Variants in NRG3 observed in about 807,000 individuals in gnomAD.
NRG3 encodes the protein pro-neuregulin-3, membrane-bound isoform.
NRG3 carries 31 observed loss-of-function variants against 66.9 expected under a neutral mutation model. The ratio of observed to expected loss-of-function variants is 0.46; its 90% CI spans 0.35 to 0.63. NRG3 has a LOEUF of 0.63. Among genes scored for constraint, NRG3 ranks in the 20% least tolerant of loss-of-function variants. The probability of loss-of-function intolerance (pLI) is 0.00; values close to 1 mark genes in which losing one functional copy is unlikely to be tolerated. For missense variants in NRG3, 910 were observed against 878.9 expected (o/e 1.04, Z -0.45); for synonymous variants, 393 against 359.4 (o/e 1.09, Z -1.06).
intron 3 of NRG3, among the ~76,000 whole-genome samples, chr10:82,748,071 A>G (rs541237483): frequency 2.0e-4 from 30 of 151,344 alleles, no homozygotes; most frequent in South Asian, 1.7e-3. Context: ...ATATATAATT[A>G]CACATATTTG....
At chr10:82,015,694 T>C (rs564399786) in intron 1 of NRG3, among the ~76,000 whole-genome samples, 2 of 152,166 alleles carry the variant, frequency 1.3e-5, no homozygotes, top group South Asian at 4.2e-4. Context: ...CCTTTATAAA[T>C]TACCGCATCT....
At chr10:82,481,029 T>C (rs1184018409) in intron 2 of NRG3, among the ~76,000 whole-genome samples, 1 of 152,198 alleles carries the variant, frequency 6.6e-6, no homozygotes, top group Non-Finnish European at 1.5e-5. Flanking sequence ...CTTTTCCCAC[T>C]GGGATTTACT....
At chr10:82,965,405 C>A (rs545103287) in intron 6 of NRG3, among the ~76,000 whole-genome samples, 1 of 151,990 alleles carries the variant, frequency 6.6e-6, no homozygotes. Flanking sequence ...TAGCTTGTCT[C>A]GGAGATAGAA....
At chr10:82,320,420 C>A (rs1344919442) in intron 1 of NRG3, among the ~76,000 whole-genome samples, 2 of 152,082 alleles carry the variant, frequency 1.3e-5, no homozygotes, top group Non-Finnish European at 2.9e-5. Context: ...AATTGGAGGT[C>A]TATTTCAGAT....
intron 2 of NRG3, among the ~76,000 whole-genome samples, chr10:82,617,020 T>C (rs932354880): frequency 7.2e-5 from 11 of 152,216 alleles, no homozygotes; most frequent in African/African-American, 1.4e-4. Context: ...GGCATACGTA[T>C]TGGGGGATTG....
At chr10:82,961,475 G>A (rs1850633426) in intron 6 of NRG3, among the ~76,000 whole-genome samples, 2 of 152,214 alleles carry the variant, frequency 1.3e-5, no homozygotes, top group Admixed American at 1.3e-4. Context: ...TGGAGCTTGA[G>A]AAAGGTATGT....
intron 1 of NRG3, among the ~76,000 whole-genome samples, chr10:82,150,001 G>A (rs59510350): frequency 0.017 from 2,654 of 152,124 alleles, 80 homozygotes; most frequent in African/African-American, 0.06. Flanking sequence ...ATGGAACTCC[G>A]CTGTGGTTTA....
intron 1 of NRG3, among the ~76,000 whole-genome samples, chr10:81,968,092 A>C (rs2059798663): frequency 6.6e-6 from 1 of 152,334 alleles, no homozygotes; most frequent in Admixed American, 6.5e-5. Context: ...AAACCACAGA[A>C]TGTCAGTGGA....
intron 2 of NRG3, among the ~76,000 whole-genome samples, chr10:82,728,766 C>G (rs1411238555): frequency 1.3e-5 from 2 of 152,122 alleles, no homozygotes; most frequent in Non-Finnish European, 2.9e-5. Flanking sequence ...TTGATCATAT[C>G]ATAAATCAGA....
chr10:82,282,450 C>T (rs956882149), intron 1 of NRG3, among the ~76,000 whole-genome samples: 3 of 151,952 alleles, frequency 2.0e-5, no homozygotes, highest in African/African-American at 7.3e-5. Context: ...GAAGCCAGGG[C>T]TCTGCGTAGG....
chr10:82,933,842 A>G (rs1223560507), intron 4 of NRG3, among the ~76,000 whole-genome samples: 1 of 152,206 alleles, frequency 6.6e-6, no homozygotes, highest in African/African-American at 2.4e-5. Context: ...TACTTATTTC[A>G]ATATCCCATG....
chr10:82,938,780 G>T (rs1275318140), intron 4 of NRG3, among the ~76,000 whole-genome samples: 6 of 152,166 alleles, frequency 3.9e-5, no homozygotes, highest in Admixed American at 3.9e-4. Flanking sequence ...TTAAACCGCT[G>T]GGTCAGATTC....
chr10:82,074,079 A>G (rs2064956708), intron 1 of NRG3, among the ~76,000 whole-genome samples: 1 of 152,096 alleles, frequency 6.6e-6, no homozygotes, highest in South Asian at 2.1e-4. Flanking sequence ...GTTCTCTGAA[A>G]AAAAAAAACA....
At chr10:82,419,954 A>G (rs948786092) in intron 2 of NRG3, among the ~76,000 whole-genome samples, 17 of 152,200 alleles carry the variant, frequency 1.1e-4, no homozygotes, top group African/African-American at 3.9e-4. Flanking sequence ...GTATTGGTCT[A>G]TATTGTTCCT....
chr10:82,585,012 G>C (rs534668555), intron 2 of NRG3, among the ~76,000 whole-genome samples: 1 of 149,426 alleles, frequency 6.7e-6, no homozygotes, highest in South Asian at 2.1e-4. Context: ...TGTCTTTTTT[G>C]GGGGGGGAAC....
At chr10:82,723,108 G>A (rs1168429802) in intron 2 of NRG3, among the ~76,000 whole-genome samples, 1 of 152,008 alleles carries the variant, frequency 6.6e-6, no homozygotes, top group Non-Finnish European at 1.5e-5. Context: ...AGAAAAATGA[G>A]GTAATATACA....
At chr10:82,581,025 A>C (rs1320976390) in intron 2 of NRG3, among the ~76,000 whole-genome samples, 1 of 151,674 alleles carries the variant, frequency 6.6e-6, no homozygotes, top group South Asian at 2.1e-4. Context: ...GTAACTCCCA[A>C]ACTGTCTCTC....
chr10:82,968,053 G>A (rs1851370872), intron 6 of NRG3, among the ~76,000 whole-genome samples: 2 of 152,224 alleles, frequency 1.3e-5, no homozygotes, highest in Admixed American at 1.3e-4. Flanking sequence ...AGGTGGCAGT[G>A]TGCCCTTCAA....
At chr10:81,909,483 A>G (rs1844915044) in intron 1 of NRG3, among the ~76,000 whole-genome samples, 1 of 152,084 alleles carries the variant, frequency 6.6e-6, no homozygotes, top group Non-Finnish European at 1.5e-5. Context: ...GATGGTAGTG[A>G]TGATGTGGGG....
Sources: gnomAD v4.1 joint callset for allele counts (sites outside exome capture counted in the v4.1 genomes callset) on GRCh38, gnomAD v4.1.1 for gene constraint, MANE v1.5 for transcripts, NCBI Gene and HGNC (gene_info 2026-07-23, HGNC 2026-07-21) for gene names.